TMC2: variants seen among roughly 807,000 people sequenced by gnomAD.
TMC2 encodes the protein transmembrane channel-like protein 2.
TMC2 carries 102 observed loss-of-function variants against 105.9 expected under a neutral mutation model. That is an observed-to-expected ratio of 0.96 (90% CI 0.82 to 1.14). The LOEUF is 1.14. Ranked by LOEUF, TMC2 falls within the 50% of genes most tolerant of loss-of-function variation. The probability of loss-of-function intolerance (pLI) is 0.00; values close to 1 mark genes in which losing one functional copy is unlikely to be tolerated. For missense variants in TMC2, 1,093 were observed against 1,134.3 expected (o/e 0.96, Z 0.52); for synonymous variants, 402 against 422.8 (o/e 0.95, Z 0.60).
At chr20:2,601,868 C>G (rs2086354073) in intron 10 of TMC2, among the ~76,000 whole-genome samples, 1 of 152,088 alleles carries the variant, frequency 6.6e-6, no homozygotes, top group Non-Finnish European at 1.5e-5. Context: ...ACGGAAAGTA[C>G]CACGTCTGAC....
In TMC2 at chr20:2,617,272, T is replaced by C. The variant is rs2086490960; in HGVS notation, c.2141T>C (p.Ile714Thr). ...FLSLLPVAYT[I>T]MSLPPSFDCG... ...AGCCTCCTGCCGGTGGCCTACACCA[T>C]CATGTCCCTCCCACCCTCCTTTGAC... Residue 714 changes from isoleucine (I) to threonine (T), a missense_variant, in exon 16 of 20, where the codon ATC becomes ACC. Ile to Thr is a moderately conservative substitution (Grantham distance 89). Transcript: ENST00000358864. 1 of 1,614,158 alleles carries C rather than the reference T, an allele frequency of 6.2e-7. No individual in the cohort carries two copies.
intron 2 of TMC2, among the ~76,000 whole-genome samples, chr20:2,556,882 C>T (rs1220487194): frequency 3.1e-4 from 45 of 145,468 alleles, no homozygotes; most frequent in African/African-American, 9.0e-4. Flanking sequence ...TTTTTTTTTC[C>T]GTCAGCACTT....
At chr20:2,639,704 A>C (rs540007458) in intron 19 of TMC2, among the ~76,000 whole-genome samples, 1 of 152,326 alleles carries the variant, frequency 6.6e-6, no homozygotes, top group South Asian at 2.1e-4. Flanking sequence ...GAGAAAAGTC[A>C]ACATAAAAAG....
intron 2 of TMC2, among the ~76,000 whole-genome samples, chr20:2,539,406 C>T (rs552949358): frequency 6.6e-6 from 1 of 152,274 alleles, no homozygotes; most frequent in Admixed American, 6.5e-5. Flanking sequence ...AAAATTGTAA[C>T]ACCAAATTAT....
Position 2,610,396 on chromosome 20 carries a change from C to T in TMC2, c.1414-23C>T, listed in dbSNP as rs200704411. 1.7e-3 allele frequency: 2,736 copies of T among 1,595,528 alleles called. 6 individuals carry two copies. The highest frequency in any genetic ancestry group is 2.1e-3 in the Non-Finnish European group (2,475 of 1,169,476). ...AACAAGTATAATGTTGATGACACAA[C>T]GTAGGCTTTCCTGATTCCTCAGGTA... is the stretch of plus-strand genomic sequence containing the variant. On this transcript the variant is annotated intron_variant, in intron 11 of 19. Transcript: ENST00000358864.
intron 7 of TMC2, among the ~76,000 whole-genome samples, chr20:2,590,409 G>A (rs1325921114): frequency 6.6e-6 from 1 of 151,626 alleles, no homozygotes; most frequent in African/African-American, 2.4e-5. Flanking sequence ...TTTTTATTAT[G>A]ATCAACTATA....
chr20:2,536,696 T>C, intron 1 of TMC2, 41 bp downstream of exon 1: 1 of 1,558,132 alleles, frequency 6.4e-7, no homozygotes, highest in Non-Finnish European at 8.7e-7. Flanking sequence ...GCCCACAGGG[T>C]TCCTGGGCAG....
intron 17 of TMC2, among the ~76,000 whole-genome samples, chr20:2,634,587 C>T (rs917849340): frequency 1.3e-5 from 2 of 152,210 alleles, no homozygotes; most frequent in Non-Finnish European, 2.9e-5. Flanking sequence ...ACCCTGAAGG[C>T]ACCAAGGAGA....
In TMC2 at chr20:2,597,227, A is replaced by G. The variant is rs771951970; in HGVS notation, c.1153A>G (p.Ser385Gly). ...NFTFSFKMFT[S>G]WDYLIGNSET... ...CACATTCAGCTTCAAGATGTTCACC[A>G]GCTGGGACTACCTGATCGGGAATTC... is the stretch of plus-strand genomic sequence containing the variant. The change falls in exon 10 of 20, where the codon AGC (serine) becomes GGC (glycine). Residue 385 changes from serine (S) to glycine (G), a missense_variant. By Grantham distance (56) the Ser-to-Gly change is moderately conservative (BLOSUM62 0). Transcript: ENST00000358864. 19 of 1,614,054 alleles carry G rather than the reference A, an allele frequency of 1.2e-5. No homozygotes were observed. Among genetic ancestry groups the G allele is most frequent in the Non-Finnish European group, 1.6e-5 (19 of 1,180,032 alleles).
intron 8 of TMC2, among the ~76,000 whole-genome samples, chr20:2,593,139 C>T (rs1323078891): frequency 6.6e-6 from 1 of 152,072 alleles, no homozygotes; most frequent in East Asian, 1.9e-4. Context: ...GGAAGCAAGG[C>T]ACTTCTTACA....
chr20:2,569,920 T>C (rs994291757), intron 4 of TMC2, among the ~76,000 whole-genome samples: 12 of 152,166 alleles, frequency 7.9e-5, no homozygotes, highest in Admixed American at 7.9e-4. Flanking sequence ...CCACGTTTGA[T>C]AAAATCTAAT....
chr20:2,537,323 T>G lies in TMC2; in HGVS notation c.82+7T>G. ...AGCGGCTCTCCACACACAGGTGAGA[T>G]GGGGTGGTGGGGTCTCTGGGGAGCC... On this transcript the variant is annotated splice_region_variant and intron_variant, in intron 2 of 19. Coordinates refer to ENST00000358864, the MANE Select transcript of TMC2 (RefSeq NM_080751.3). The G allele has an allele frequency of 6.3e-7, 1 of 1,595,038 alleles. No individual in the cohort carries two copies. The highest frequency in any genetic ancestry group is 1.1e-5 in the South Asian group (1 of 87,904).
chr20:2,566,522 G>C (rs1009335797), intron 4 of TMC2, among the ~76,000 whole-genome samples: 1 of 152,164 alleles, frequency 6.6e-6, no homozygotes, highest in South Asian at 2.1e-4. Flanking sequence ...CTGTCTCTCA[G>C]CTTTGTCCAA....
intron 16 of TMC2, among the ~76,000 whole-genome samples, chr20:2,620,081 A>C (rs540414971): frequency 7.9e-5 from 12 of 152,308 alleles, no homozygotes; most frequent in Admixed American, 6.5e-4. Flanking sequence ...TCTGCTTCAA[A>C]AAAGAAAAAA....
intron 2 of TMC2, among the ~76,000 whole-genome samples, chr20:2,545,827 AAG>A (rs1491452202): frequency 1.7e-5 from 1 of 59,746 alleles, no homozygotes; most frequent in African/African-American, 6.2e-5. Flanking sequence ...AAGAGGAAGA[AAG>A]AAAGAAAGAA....
chr20:2,603,047 G>C (rs191540695), intron 11 of TMC2, among the ~76,000 whole-genome samples: 3 of 152,228 alleles, frequency 2.0e-5, no homozygotes, highest in Non-Finnish European at 4.4e-5. Flanking sequence ...CTGCTTTTGG[G>C]AACCCTGAGA....
intron 12 of TMC2, 37 bp from the exon 13 acceptor site, chr20:2,612,154 G>C: frequency 6.4e-7 from 1 of 1,562,096 alleles, no homozygotes. Flanking sequence ...ACCATCCCTA[G>C]CTCCTTCCTA....
Position 2,624,500 on chromosome 20 carries a change from C to T in TMC2, c.2306+104C>T, listed in dbSNP as rs538505822. 10 of 1,308,614 alleles carry T rather than the reference C, an allele frequency of 7.6e-6. No individual in the cohort carries two copies. The South Asian group carries it at 1.3e-4, about 18-fold the overall frequency. 81.1% of individuals were successfully genotyped at this position (1,308,614 alleles called of 1,614,324 possible). On this transcript the variant is annotated intron_variant, in intron 17 of 19. Coordinates refer to ENST00000358864, the MANE Select transcript of TMC2 (RefSeq NM_080751.3). Reference sequence around the variant, plus strand: ...ATCTTGCCTTCTTAGTCTGCACTCCCCAGAAGCAGAATCCATGACAAGGAT... The same window carrying T: ...ATCTTGCCTTCTTAGTCTGCACTCCTCAGAAGCAGAATCCATGACAAGGAT...
intron 18 of TMC2, among the ~76,000 whole-genome samples, chr20:2,636,853 C>T (rs960519722): frequency 1.3e-5 from 2 of 152,082 alleles, no homozygotes; most frequent in African/African-American, 4.8e-5. Flanking sequence ...CCTCGTGATC[C>T]GCCTGCCTTG....
Sources: allele counts gnomAD v4.1 joint callset (sites outside exome capture counted in the v4.1 genomes callset), GRCh38; gene constraint gnomAD v4.1.1; transcripts MANE v1.5; gene names NCBI Gene and HGNC (gene_info 2026-07-23, HGNC 2026-07-21).